The following GPD2 variants were observed in gnomAD, a reference collection of about 807,000 sequenced individuals.
GPD2 encodes glycerol-3-phosphate dehydrogenase, mitochondrial.
Under a neutral mutation model 82.4 loss-of-function variants are expected in GPD2, and 54 were observed. The ratio of observed to expected loss-of-function variants is 0.66; its 90% CI spans 0.53 to 0.82. The LOEUF is 0.82. Among genes scored for constraint, GPD2 ranks in the 40% least tolerant of loss-of-function variants. The pLI is 0.00. For synonymous variants in GPD2, 288 were observed against 306.1 expected (o/e 0.94, Z 0.62); for missense variants, 748 against 896.2 (o/e 0.83, Z 2.11).
intron 6 of GPD2, among the ~76,000 whole-genome samples, chr2:156,517,303 G>GACAT (rs1365962337): frequency 2.6e-5 from 4 of 152,136 alleles, no homozygotes; most frequent in Admixed American, 6.5e-5. Context: ...TTCTGTGCAT[G>GACAT]ACATAAGTAT....
the GPD2 span, among the ~76,000 whole-genome samples, chr2:156,410,415 T>C: frequency 3.2e-4 from 48 of 152,362 alleles, no homozygotes; most frequent in East Asian, 9.2e-3. Context: ...AATAACATAC[T>C]TTTATTTTCA....
intron 6 of GPD2, among the ~76,000 whole-genome samples, chr2:156,536,423 A>G (rs1317060429): frequency 6.6e-6 from 1 of 152,224 alleles, no homozygotes; most frequent in East Asian, 1.9e-4. Context: ...TTGTGACCAG[A>G]TGAATTCAAA....
At chr2:156,548,085 G>A (rs540317554) in intron 6 of GPD2, among the ~76,000 whole-genome samples, 2 of 152,236 alleles carry the variant, frequency 1.3e-5, no homozygotes, top group South Asian at 2.1e-4. Context: ...AGATTGGGTC[G>A]GATGGGTACT....
the GPD2 span, among the ~76,000 whole-genome samples, chr2:156,424,169 G>T: frequency 2.1e-5 from 3 of 146,044 alleles, no homozygotes; most frequent in African/African-American, 7.6e-5. Flanking sequence ...AAGGACTCAG[G>T]TTACCTTCAG....
At chr2:156,491,446 A>C (rs941638028) in intron 2 of GPD2, among the ~76,000 whole-genome samples, 1 of 152,168 alleles carries the variant, frequency 6.6e-6, no homozygotes, top group Non-Finnish European at 1.5e-5. Context: ...TAATTTGCTG[A>C]CCCCTGATTT....
intron 1 of GPD2, among the ~76,000 whole-genome samples, chr2:156,468,894 C>T (rs555415063): frequency 1.3e-5 from 2 of 152,138 alleles, no homozygotes; most frequent in South Asian, 4.2e-4. Context: ...ACTGCAGTCA[C>T]CCTGTTCTAT....
At chr2:156,569,873 T>C (rs1687548370) in intron 11 of GPD2, among the ~76,000 whole-genome samples, 1 of 152,104 alleles carries the variant, frequency 6.6e-6, no homozygotes. Context: ...CATCAGTCAT[T>C]GATGCAGTGA....
At chr2:156,402,343 T>C in the GPD2 span, among the ~76,000 whole-genome samples, 6 of 152,304 alleles carry the variant, frequency 3.9e-5, no homozygotes, top group Non-Finnish European at 7.4e-5. Flanking sequence ...GACTTCTTAG[T>C]GTGTGGGTAA....
upstream of GPD2, among the ~76,000 whole-genome samples, chr2:156,434,115 AT>A (rs1558895572): frequency 1.3e-5 from 2 of 152,134 alleles, no homozygotes. Context: ...TTATTTATTT[AT>A]TTTTTGAGAT....
At chr2:156,480,708 T>C (rs1683695449) in intron 2 of GPD2, among the ~76,000 whole-genome samples, 1 of 151,958 alleles carries the variant, frequency 6.6e-6, no homozygotes, top group Non-Finnish European at 1.5e-5. Flanking sequence ...TGAAAATTTT[T>C]TTCCCCCCTG....
At chr2:156,499,767 C>CA (rs1167592281) in intron 3 of GPD2, among the ~76,000 whole-genome samples, 1 of 149,808 alleles carries the variant, frequency 6.7e-6, no homozygotes, top group Non-Finnish European at 1.5e-5. Flanking sequence ...AAACTCATTG[C>CA]AATGATGTTC....
At chr2:156,514,385 G>A (rs1428685362) in intron 6 of GPD2, among the ~76,000 whole-genome samples, 3 of 151,904 alleles carry the variant, frequency 2.0e-5, no homozygotes, top group Admixed American at 6.6e-5. Context: ...GCAGAGGACA[G>A]CTTAGATTTT....
chr2:156,561,047 T>TTTTTTG, intron 9 of GPD2, among the ~76,000 whole-genome samples: 1 of 119,612 alleles, frequency 8.4e-6, no homozygotes, highest in Non-Finnish European at 1.7e-5. Flanking sequence ...AAGCTTTTTT[T>TTTTTTG]TTTTTTTTTT....
intron 3 of GPD2, among the ~76,000 whole-genome samples, chr2:156,507,067 G>A (rs539419956): frequency 6.6e-6 from 1 of 151,662 alleles, no homozygotes; most frequent in Non-Finnish European, 1.5e-5. Context: ...AGGCTGGAGT[G>A]CAATGGCACG....
the GPD2 span, among the ~76,000 whole-genome samples, chr2:156,426,113 C>T: frequency 3.3e-5 from 5 of 151,852 alleles, no homozygotes; most frequent in Non-Finnish European, 4.4e-5. Flanking sequence ...TTAGTAGAGA[C>T]GGGGTTTCAC....
chr2:156,549,266 C>G (rs780347600), intron 6 of GPD2, among the ~76,000 whole-genome samples: 3 of 152,142 alleles, frequency 2.0e-5, no homozygotes, highest in Admixed American at 6.5e-5. Context: ...TTCATGCTTA[C>G]GATTTGTCTG....
At chr2:156,530,351 G>A (rs1225240414) in intron 6 of GPD2, among the ~76,000 whole-genome samples, 1 of 137,598 alleles carries the variant, frequency 7.3e-6, no homozygotes, top group African/African-American at 2.7e-5. Context: ...GGGGTTTTCT[G>A]GATATACGAT....
chr2:156,463,290 T>G (rs1683049080), intron 1 of GPD2, among the ~76,000 whole-genome samples: 1 of 152,228 alleles, frequency 6.6e-6, no homozygotes, highest in African/African-American at 2.4e-5. Context: ...AATTTTTTTT[T>G]TAACTGTATA....
At chr2:156,412,255 G>T in the GPD2 span, among the ~76,000 whole-genome samples, 4 of 151,996 alleles carry the variant, frequency 2.6e-5, no homozygotes, top group Non-Finnish European at 4.4e-5. Context: ...GGCCAGCATG[G>T]TGAAACCCTA....
Sources: allele counts gnomAD v4.1 joint callset (sites outside exome capture counted in the v4.1 genomes callset), GRCh38; gene constraint gnomAD v4.1.1; transcripts MANE v1.5; gene names NCBI Gene and HGNC (gene_info 2026-07-23, HGNC 2026-07-21).